LINGO2: variants seen among roughly 807,000 people sequenced by gnomAD.
The protein encoded by LINGO2 is leucine-rich repeat and immunoglobulin-like domain-containing nogo receptor-interacting protein 2.
In LINGO2, 14 loss-of-function variants were observed where a neutral mutation model predicts 30.6. That is an observed-to-expected ratio of 0.46 (90% CI 0.30 to 0.72). The LOEUF is 0.72. Among genes scored for constraint, LINGO2 ranks in the 30% least tolerant of loss-of-function variants. The probability of loss-of-function intolerance (pLI) is 0.07; values close to 1 mark genes in which losing one functional copy is unlikely to be tolerated. For missense variants in LINGO2, 729 were observed against 751.7 expected (o/e 0.97, Z 0.35); for synonymous variants, 317 against 288.5 (o/e 1.10, Z -1.00).
At chr9:29,198,717 G>A in the LINGO2 span, among the ~76,000 whole-genome samples, 1 of 152,096 alleles carries the variant, frequency 6.6e-6, no homozygotes, top group South Asian at 2.1e-4. Context: ...GCAAGATTCT[G>A]TAAATGTTTC....
At chr9:28,475,646 T>C (rs16913179) in intron 2 of LINGO2, among the ~76,000 whole-genome samples, 7,355 of 152,196 alleles carry the variant, frequency 0.048, 432 homozygotes, top group African/African-American at 0.13. Context: ...TTATAAAAAG[T>C]TTAACCAGAC....
chr9:28,173,280 T>C (rs1828653468), intron 4 of LINGO2, among the ~76,000 whole-genome samples: 1 of 152,208 alleles, frequency 6.6e-6, no homozygotes, highest in Non-Finnish European at 1.5e-5. Flanking sequence ...CTTCATCCTC[T>C]ATTCCAAAAG....
At chr9:28,939,651 G>A in the LINGO2 span, among the ~76,000 whole-genome samples, 3 of 152,078 alleles carry the variant, frequency 2.0e-5, no homozygotes, top group Non-Finnish European at 2.9e-5. Context: ...TTGGTTTAAA[G>A]GTTTGTTTCT....
chr9:28,311,022 A>C (rs984828316), intron 3 of LINGO2, among the ~76,000 whole-genome samples: 2 of 152,146 alleles, frequency 1.3e-5, no homozygotes, highest in Admixed American at 1.3e-4. Flanking sequence ...TATTTCATGT[A>C]GATTCTTTTC....
the LINGO2 span, among the ~76,000 whole-genome samples, chr9:29,103,060 C>A: frequency 6.6e-6 from 1 of 151,986 alleles, no homozygotes; most frequent in Non-Finnish European, 1.5e-5. Flanking sequence ...GTAAGGGAAA[C>A]AGAAATGAAT....
chr9:29,141,031 A>C, the LINGO2 span, among the ~76,000 whole-genome samples: 8 of 152,198 alleles, frequency 5.3e-5, no homozygotes, highest in Non-Finnish European at 1.2e-4. Flanking sequence ...CCTTACAAGA[A>C]ATGATAAAAG....
chr9:28,261,118 T>G (rs1822549653), intron 4 of LINGO2, among the ~76,000 whole-genome samples: 1 of 151,986 alleles, frequency 6.6e-6, no homozygotes, highest in African/African-American at 2.4e-5. Flanking sequence ...TGAGATTAAA[T>G]TATTATGTAA....
At chr9:28,045,918 T>G (rs1352084916) in intron 4 of LINGO2, among the ~76,000 whole-genome samples, 6 of 152,198 alleles carry the variant, frequency 3.9e-5, no homozygotes, top group Admixed American at 3.9e-4. Flanking sequence ...TTCAGTTTGA[T>G]GATGATGAAA....
At chr9:28,639,006 T>G (rs916186536) in intron 1 of LINGO2, among the ~76,000 whole-genome samples, 7 of 152,120 alleles carry the variant, frequency 4.6e-5, no homozygotes, top group Admixed American at 3.3e-4. Context: ...TCCCAGAGAT[T>G]CTGGTATGTT....
the LINGO2 span, among the ~76,000 whole-genome samples, chr9:29,188,410 G>A: frequency 1.3e-5 from 2 of 152,140 alleles, no homozygotes; most frequent in Non-Finnish European, 2.9e-5. Context: ...AGTCTCCCAT[G>A]TCTACTTCTC....
the LINGO2 span, among the ~76,000 whole-genome samples, chr9:28,685,460 G>A: frequency 6.6e-6 from 1 of 152,090 alleles, no homozygotes; most frequent in Non-Finnish European, 1.5e-5. Context: ...TTAAATTTCT[G>A]CTTTTATAAT....
the LINGO2 span, among the ~76,000 whole-genome samples, chr9:28,913,089 C>G: frequency 6.6e-6 from 1 of 152,070 alleles, no homozygotes; most frequent in African/African-American, 2.4e-5. Context: ...TTCAACTGAT[C>G]TAGACAATAA....
chr9:28,883,628 GTATATATATATATATATATATATA>G, the LINGO2 span, among the ~76,000 whole-genome samples: 1 of 64,180 alleles, frequency 1.6e-5, no homozygotes, highest in East Asian at 5.1e-4. Flanking sequence ...ATGTGTGTGT[GTATATATATATATATATATATATA>G]TATATATATA....
Position 28,433,963 on chromosome 9 carries a change from A to G in LINGO2, c.-279+41977T>C, listed in dbSNP as rs1211841763. 1.6e-5 allele frequency among the ~76,000 whole-genome samples: 2 copies of G among 122,074 alleles called. 1 individual carries two copies. The highest frequency in any genetic ancestry group is 1.8e-4 in the Admixed American group (2 of 10,896). The allele number at this position is 122,074 out of a possible 152,430, so 80.1% of individuals were successfully genotyped here. On this transcript the variant is annotated intron_variant, in intron 2 of 5. Transcript: ENST00000379992. ...TCTCTCTCTCTCTATATATATATAT[A>G]TATACACACACACACATGAAAATAC...
At chr9:28,452,913 A>T (rs759990131) in intron 2 of LINGO2, among the ~76,000 whole-genome samples, 4 of 151,912 alleles carry the variant, frequency 2.6e-5, no homozygotes, top group Non-Finnish European at 5.9e-5. Flanking sequence ...GTTCTTGTAT[A>T]TCTTGCTTAA....
intron 1 of LINGO2, among the ~76,000 whole-genome samples, chr9:28,551,621 C>T (rs1252255015): frequency 6.6e-6 from 1 of 152,014 alleles, no homozygotes; most frequent in Non-Finnish European, 1.5e-5. Context: ...CTTTTTCCTG[C>T]TTCTCAGAGG....
At chr9:29,184,308 T>TAA in the LINGO2 span, among the ~76,000 whole-genome samples, 1 of 144,638 alleles carries the variant, frequency 6.9e-6, no homozygotes, top group Non-Finnish European at 1.5e-5. Flanking sequence ...TTTTAAAAAC[T>TAA]AAAAAAAAAA....
chr9:29,189,051 C>T, the LINGO2 span, among the ~76,000 whole-genome samples: 2 of 106,976 alleles, frequency 1.9e-5, no homozygotes, highest in Admixed American at 9.0e-5. Context: ...GCTGGCCGGG[C>T]GGGGGGCTGA....
chr9:28,642,248 AC>A (rs1827627051), intron 1 of LINGO2, among the ~76,000 whole-genome samples: 1 of 151,830 alleles, frequency 6.6e-6, no homozygotes, highest in Non-Finnish European at 1.5e-5. Flanking sequence ...TCCTTAAAAA[AC>A]CCCAAATTTC....
Sources: allele counts gnomAD v4.1 joint callset (sites outside exome capture counted in the v4.1 genomes callset), GRCh38; gene constraint gnomAD v4.1.1; transcripts MANE v1.5; gene names NCBI Gene and HGNC (gene_info 2026-07-23, HGNC 2026-07-21).